NRXN2: variants seen among roughly 807,000 people sequenced by gnomAD.
NRXN2 encodes neurexin-2-beta.
A neutral mutation model predicts 128.8 loss-of-function variants in NRXN2; 29 were observed. That is an observed-to-expected ratio of 0.23 (90% CI 0.17 to 0.31). The LOEUF (loss-of-function observed/expected upper bound fraction) is 0.31. Among genes scored for constraint, NRXN2 ranks in the 10% least tolerant of loss-of-function variants. The probability of loss-of-function intolerance (pLI) is 1.00; values close to 1 mark genes in which losing one functional copy is unlikely to be tolerated. For missense variants in NRXN2, 1,881 were observed against 2,452.6 expected (o/e 0.77, Z 4.92); for synonymous variants, 1,098 against 1,075.2 (o/e 1.02, Z -0.41).
rs769064811 is a variant in NRXN2 at position 64,648,294 on chromosome 11, C to T, written c.3328G>A (p.Val1110Ile). 43 of 1,614,108 alleles carry T rather than the reference C, an allele frequency of 2.7e-5. No homozygotes were observed. Among genetic ancestry groups the T allele is most frequent in the Middle Eastern group, 3.3e-4 (2 of 6,084 alleles). ...AAGCCATCCCACTGCTGCAAGCAGA[C>T]GCCCTGGTTGGCACAGGACTCTTCA... ...CTEESCANQG[V>I]CLQQWDGFTC... Residue 1110 changes from valine (V) to isoleucine (I), a missense_variant, in exon 17 of 23, where the codon GTC becomes ATC. Val to Ile is a conservative substitution (Grantham distance 29). Transcript: ENST00000265459. The surrounding 1 kb of genome is among the most constrained non-coding windows in gnomAD (Gnocchi z 4.1).
chr11:64,684,226 C>G (rs1247553263), intron 6 of NRXN2, among the ~76,000 whole-genome samples: 2 of 152,134 alleles, frequency 1.3e-5, no homozygotes, highest in Non-Finnish European at 2.9e-5. Flanking sequence ...GCAAAGTGAG[C>G]AGGAAGCACT....
In NRXN2 at chr11:64,609,830, G is replaced by A. The variant is rs142766928; in HGVS notation, c.4253-1748C>T. Among the ~76,000 whole-genome samples the A allele has an allele frequency of 2.4e-4, 37 of 152,140 alleles. No individual in the cohort carries two copies. The East Asian group carries it at 6.2e-3, about 25-fold the overall frequency. ...CCCTGCCCACATCTGAGTGCCTCTC[G>A]CTGGTCTCTGCAGGGTGTGGTCTTC... On this transcript the variant is annotated intron_variant, in intron 22 of 22. Coordinates refer to ENST00000265459, the MANE Select transcript of NRXN2 (RefSeq NM_015080.4).
rs74883547 is a variant in NRXN2, at chr11:64,694,293, G to A, written c.749-1417C>T. 4.9e-3 allele frequency among the ~76,000 whole-genome samples: 741 copies of A among 152,368 alleles called. 5 individuals are homozygous for A. The highest frequency in any genetic ancestry group is 8.5e-3 in the Non-Finnish European group (580 of 68,032). ...ACCCTTGGAAACCAGCCCCACTGCT[G>A]TGGCAATGAGATGTGAACCCTAGGG... is the stretch of plus-strand genomic sequence containing the variant. On this transcript the variant is annotated intron_variant, in intron 3 of 22. Transcript: ENST00000265459.
In NRXN2 at chr11:64,623,384, T is replaced by C; in HGVS notation, c.3848-306A>G. 2 of 445,424 alleles carry C rather than the reference T, an allele frequency of 4.5e-6. No homozygotes were observed. The highest frequency in any genetic ancestry group is 8.3e-6 in the Non-Finnish European group (2 of 241,934). 27.6% of individuals were successfully genotyped at this position (445,424 alleles called of 1,614,324 possible). On this transcript the variant is annotated intron_variant, in intron 20 of 22. Transcript: ENST00000265459. The surrounding 1 kb of genome is among the most constrained non-coding windows in gnomAD (Gnocchi z 4.9). ...TGTGCAAGCCTTCCCACCTTCCCCATTCCCTCTCCTCTCCAGCTCCAAGGT... is the reference window on the plus strand; with the variant it reads ...TGTGCAAGCCTTCCCACCTTCCCCACTCCCTCTCCTCTCCAGCTCCAAGGT...
At chr11:64,662,151 G>A (rs982496730) in intron 9 of NRXN2, among the ~76,000 whole-genome samples, 3 of 151,768 alleles carry the variant, frequency 2.0e-5, no homozygotes, top group Admixed American at 6.6e-5. Context: ...CCAGCTACTC[G>A]GGAGACTAAG....
At chr11:64,627,747 T>G (rs2043283636) in intron 19 of NRXN2, among the ~76,000 whole-genome samples, 1 of 152,206 alleles carries the variant, frequency 6.6e-6, no homozygotes, top group Non-Finnish European at 1.5e-5. Context: ...GATCCTGGTC[T>G]GCAGCAGTGG....
In NRXN2 at chr11:64,685,669, G is replaced by A. The variant is rs1164192972; in HGVS notation, c.1129C>T (p.Arg377Trp). ...ACCTGGCGCAGGTTTCGGGTGACCC[G>A]GACGTCGTGCCAGGCGTTGTCGTTG... ...KFNDNAWHDV[R>W]VTRNLRQHAG... Residue 377 changes from arginine (R) to tryptophan (W), a missense_variant, in exon 6 of 23, where the codon CGG becomes TGG. Arg to Trp is a moderately radical substitution (Grantham distance 101). Coordinates refer to ENST00000265459, the MANE Select transcript of NRXN2 (RefSeq NM_015080.4). 27 of 1,614,062 alleles carry A rather than the reference G, an allele frequency of 1.7e-5. No homozygotes were observed. The highest frequency in any genetic ancestry group is 1.6e-4 in the Middle Eastern group (1 of 6,084).
chr11:64,679,676 A>G (rs549311129), intron 6 of NRXN2, among the ~76,000 whole-genome samples: 2 of 152,198 alleles, frequency 1.3e-5, no homozygotes, highest in Admixed American at 6.5e-5. Context: ...AACAGATGTG[A>G]GTTCTAACCC....
intron 2 of NRXN2, among the ~76,000 whole-genome samples, chr11:64,702,653 A>G (rs1399283081): frequency 6.6e-6 from 1 of 151,948 alleles, no homozygotes; most frequent in East Asian, 1.9e-4. Context: ...ACCCAGGGAC[A>G]CAAACACTGC....
chr11:64,657,185 G>A lies in NRXN2; in HGVS notation c.2389+3147C>T, dbSNP rs529483203. Among the ~76,000 whole-genome samples, 23 of 152,296 alleles carry A rather than the reference G, an allele frequency of 1.5e-4. No individual in the cohort carries two copies. In the South Asian group the frequency reaches 2.1e-3, roughly 14 times the overall value. ...GGCCTGGGGCCTTGGTGTTGCTGCC[G>A]GTCTGTGAGGCCCTGCAAGTCCTGG... On this transcript the variant is annotated intron_variant, in intron 11 of 22. Transcript: ENST00000265459.
At chr11:64,688,352 C>T (rs1445578825) in intron 5 of NRXN2, 4 of 985,252 alleles carry the variant, frequency 4.1e-6, no homozygotes, top group Non-Finnish European at 4.8e-6. Context: ...CAAAGAGAAC[C>T]TGAAAGCCTT....
chr11:64,722,870 T>A, intron 1 of NRXN2, 101 bp downstream of exon 1: 1 of 59,396 alleles, frequency 1.7e-5, no homozygotes. Flanking sequence ...CCCCAATTCA[T>A]CCGTCCTGCC....
chr11:64,654,884 TTC>T (rs2048026248), intron 11 of NRXN2, among the ~76,000 whole-genome samples: 1 of 152,200 alleles, frequency 6.6e-6, no homozygotes. Flanking sequence ...GGCAAAGCAC[TTC>T]TCTCCATGCC....
At chr11:64,643,252 G>A (rs1004912727) in intron 17 of NRXN2, 38 of 979,884 alleles carry the variant, frequency 3.9e-5, no homozygotes, top group Non-Finnish European at 4.5e-5. Context: ...AAGAGGGACG[G>A]AGACCTGGTT....
At chr11:64,620,251 T>C in intron 22 of NRXN2, 43 bp downstream of exon 22, 1 of 1,474,708 alleles carries the variant, frequency 6.8e-7, no homozygotes. Context: ...CCCAGCAGCA[T>C]CGCAGAGGGA....
chr11:64,710,237 TCACACACACACAGA>T (rs2056764411), intron 2 of NRXN2, among the ~76,000 whole-genome samples: 2 of 151,614 alleles, frequency 1.3e-5, no homozygotes, highest in Non-Finnish European at 2.9e-5. Flanking sequence ...TGACTCTCTC[TCACACACACACAGA>T]CACACACACA....
At chr11:64,710,261 A>T (rs1332066301) in intron 2 of NRXN2, among the ~76,000 whole-genome samples, 1 of 151,960 alleles carries the variant, frequency 6.6e-6, no homozygotes, top group African/African-American at 2.4e-5. Context: ...ACACACACAC[A>T]CACAATGGGT....
intron 7 of NRXN2, among the ~76,000 whole-genome samples, chr11:64,672,903 T>C (rs772514908): frequency 3.9e-5 from 6 of 152,178 alleles, no homozygotes; most frequent in Non-Finnish European, 7.3e-5. Context: ...TTTGATAGTT[T>C]GGGAATAGAG....
intron 2 of NRXN2, among the ~76,000 whole-genome samples, chr11:64,709,297 C>A (rs2056664614): frequency 6.6e-6 from 1 of 151,918 alleles, no homozygotes; most frequent in Admixed American, 6.6e-5. Flanking sequence ...GGGATTCTGA[C>A]CCCTAGAGTT....
Sources: gnomAD v4.1 joint callset for allele counts (sites outside exome capture counted in the v4.1 genomes callset) on GRCh38, gnomAD v4.1.1 for gene constraint, Gnocchi (gnomAD v3.1) non-coding constraint, MANE v1.5 for transcripts, NCBI Gene and HGNC (gene_info 2026-07-23, HGNC 2026-07-21) for gene names.